LOC122539214: variants seen among roughly 807,000 people sequenced by gnomAD.
At chr19:52,665,908 C>T in the LOC122539214 span, among the ~76,000 whole-genome samples, 1 of 151,972 alleles carries the variant, frequency 6.6e-6, no homozygotes, top group Non-Finnish European at 1.5e-5. Context: ...CACCTGTAAT[C>T]CCCCCACTTT....
chr19:52,674,871 T>A, the LOC122539214 span, among the ~76,000 whole-genome samples: 1 of 152,158 alleles, frequency 6.6e-6, no homozygotes, highest in African/African-American at 2.4e-5. Context: ...CAAATCCCTA[T>A]CAGTTTTTGT....
At chr19:52,682,032 G>A in the LOC122539214 span, among the ~76,000 whole-genome samples, 3 of 152,020 alleles carry the variant, frequency 2.0e-5, no homozygotes, top group African/African-American at 7.2e-5. Flanking sequence ...ATTTTTAGTA[G>A]AGACGAGGTT....
the LOC122539214 span, among the ~76,000 whole-genome samples, chr19:52,671,613 G>A: frequency 1.3e-5 from 2 of 152,196 alleles, no homozygotes; most frequent in South Asian, 2.1e-4. Context: ...TGGCTAATTT[G>A]TTAGTACTTT....
the LOC122539214 span, among the ~76,000 whole-genome samples, chr19:52,662,318 G>C: frequency 6.6e-6 from 1 of 152,180 alleles, no homozygotes; most frequent in African/African-American, 2.4e-5. Flanking sequence ...AGGGGTTTAG[G>C]AAGTCACCTA....
chr19:52,679,726 G>A, the LOC122539214 span, among the ~76,000 whole-genome samples: 2 of 152,302 alleles, frequency 1.3e-5, no homozygotes, highest in Middle Eastern at 3.4e-3. Flanking sequence ...TTTCCAGGGC[G>A]CCTCTGCCTA....
chr19:52,664,436 C>T, the LOC122539214 span, among the ~76,000 whole-genome samples: 1 of 151,962 alleles, frequency 6.6e-6, no homozygotes, highest in East Asian at 1.9e-4. Context: ...GTTTATGCTG[C>T]GGTGAGCTCT....
chr19:52,655,827 CTTTT>C, the LOC122539214 span: 12 of 506,874 alleles, frequency 2.4e-5, no homozygotes, highest in Admixed American at 4.2e-4. Flanking sequence ...TTGAACATTT[CTTTT>C]TGTGCAGTTG....
chr19:52,683,355 C>A, the LOC122539214 span, among the ~76,000 whole-genome samples: 8 of 152,130 alleles, frequency 5.3e-5, no homozygotes, highest in South Asian at 1.7e-3. Context: ...GAGGAGGTGG[C>A]CCTCGGGCTG....
At chr19:52,682,553 C>T in the LOC122539214 span, among the ~76,000 whole-genome samples, 1 of 152,022 alleles carries the variant, frequency 6.6e-6, no homozygotes, top group Admixed American at 6.6e-5. Flanking sequence ...TACCTGTAGT[C>T]CCAGCTACTC....
the LOC122539214 span, among the ~76,000 whole-genome samples, chr19:52,678,079 A>G: frequency 6.6e-6 from 1 of 151,772 alleles, no homozygotes; most frequent in East Asian, 1.9e-4. Context: ...ACCCAGATGG[A>G]GATTGTTGCC....
the LOC122539214 span, among the ~76,000 whole-genome samples, chr19:52,688,593 C>T: frequency 6.6e-6 from 1 of 151,866 alleles, no homozygotes; most frequent in Non-Finnish European, 1.5e-5. Context: ...TTGTACCTCT[C>T]TCCTCTCCTG....
At chr19:52,689,757 C>T in the LOC122539214 span, among the ~76,000 whole-genome samples, 1,957 of 143,432 alleles carry the variant, frequency 0.014, 7 homozygotes, top group Middle Eastern at 0.032. Flanking sequence ...GCTCTCTGTC[C>T]GTCTCCTGAT....
At chr19:52,673,492 T>C in the LOC122539214 span, among the ~76,000 whole-genome samples, 125,836 of 151,970 alleles carry the variant, frequency 0.83, 52,749 homozygotes, top group African/African-American at 0.96. Flanking sequence ...AAGAAGAGTG[T>C]AACTCCATCA....
chr19:52,676,319 C>G, the LOC122539214 span, among the ~76,000 whole-genome samples: 2 of 152,178 alleles, frequency 1.3e-5, 1 homozygote, highest in Admixed American at 1.3e-4. Flanking sequence ...GTGGCCTGAT[C>G]TCGGCTCACT....
At chr19:52,683,526 GGAA>G in the LOC122539214 span, among the ~76,000 whole-genome samples, 1 of 20,304 alleles carries the variant, frequency 4.9e-5, no homozygotes, top group Non-Finnish European at 1.0e-4. Flanking sequence ...GAATCCAAAG[GGAA>G]GGGCAAAGTC....
chr19:52,680,357 A>T, the LOC122539214 span, among the ~76,000 whole-genome samples: 1 of 152,234 alleles, frequency 6.6e-6, no homozygotes, highest in African/African-American at 2.4e-5. Flanking sequence ...CCCTCTGCGC[A>T]GGGTTCAGGC....
the LOC122539214 span, among the ~76,000 whole-genome samples, chr19:52,676,490 C>T: frequency 1.7e-4 from 26 of 151,580 alleles, no homozygotes; most frequent in Middle Eastern, 3.4e-3. Context: ...CCTCCCCGTC[C>T]GGGAGGGAGG....
chr19:52,681,911 A>C, the LOC122539214 span, among the ~76,000 whole-genome samples: 1 of 152,318 alleles, frequency 6.6e-6, no homozygotes, highest in Admixed American at 6.5e-5. Flanking sequence ...GCAGTGGCAC[A>C]ATCTCAGCTC....
At chr19:52,671,034 T>C in the LOC122539214 span, among the ~76,000 whole-genome samples, 8 of 152,200 alleles carry the variant, frequency 5.3e-5, no homozygotes, top group African/African-American at 1.9e-4. Context: ...TCAGGATTGG[T>C]AGGGCCTAGA....
Sources: gnomAD v4.1 joint callset for allele counts (sites outside exome capture counted in the v4.1 genomes callset) on GRCh38, gnomAD v4.1.1 for gene constraint, MANE v1.5 for transcripts.